The following AFF2 variants were observed in gnomAD, a reference collection of about 807,000 sequenced individuals.
AFF2 encodes the protein AF4/FMR2 family member 2.
AFF2 carries 14 observed loss-of-function variants against 76.9 expected under a neutral mutation model. That is an observed-to-expected ratio of 0.18 (90% CI 0.12 to 0.28). AFF2 has a LOEUF of 0.28. Ranked by LOEUF, AFF2 falls within the 10% of genes least tolerant of loss-of-function variation. The probability of loss-of-function intolerance (pLI) is 1.00; values close to 1 mark genes in which losing one functional copy is unlikely to be tolerated. For missense variants in AFF2, 868 were observed against 1,001.1 expected (o/e 0.87, Z 1.79); for synonymous variants, 398 against 366.7 (o/e 1.09, Z -0.98).
intron 1 of AFF2, among the ~76,000 whole-genome samples, chrX:148,581,543 CGTCT>C (rs2053405215): frequency 1.1e-5 from 1 of 93,923 alleles, no homozygotes; most frequent in African/African-American, 4.2e-5. Flanking sequence ...TATACGTATA[CGTCT>C]ACGTGTACAC....
chrX:148,585,566 G>A (rs1354965161), intron 1 of AFF2, among the ~76,000 whole-genome samples: 1 of 111,445 alleles, frequency 9.0e-6, no homozygotes, highest in South Asian at 3.8e-4. Context: ...TAGGCCGGGC[G>A]CGGTGGCTCA....
intron 3 of AFF2, among the ~76,000 whole-genome samples, chrX:148,775,126 T>C (rs1013830663): frequency 1.8e-5 from 2 of 111,959 alleles, no homozygotes; most frequent in Admixed American, 1.9e-4. Flanking sequence ...GGGGATATAT[T>C]TGTTATAAAA....
intron 1 of AFF2, among the ~76,000 whole-genome samples, chrX:148,561,551 G>A (rs2053113440): frequency 1.8e-5 from 2 of 111,772 alleles, no homozygotes; most frequent in South Asian, 7.5e-4. Context: ...ATTCTAGGGT[G>A]TGGTCCTTAT....
chrX:148,965,709 G>T (rs1465455674), intron 13 of AFF2, among the ~76,000 whole-genome samples: 1 of 112,363 alleles, frequency 8.9e-6, no homozygotes, highest in African/African-American at 3.2e-5. Context: ...GTCACTGTAG[G>T]CTGGAGCTTT....
intron 3 of AFF2, among the ~76,000 whole-genome samples, chrX:148,770,916 G>A (rs782250741): frequency 8.9e-6 from 1 of 112,031 alleles, no homozygotes; most frequent in Non-Finnish European, 1.9e-5. Context: ...CTGGGAATAT[G>A]GCTTTGAAAA....
At chrX:148,693,795 T>C (rs2054681767) in intron 3 of AFF2, among the ~76,000 whole-genome samples, 1 of 112,198 alleles carries the variant, frequency 8.9e-6, no homozygotes, top group African/African-American at 3.2e-5. Context: ...ATGGAATGCA[T>C]GTTCCTGGCC....
chrX:148,520,301 T>C (rs1327807807), intron 1 of AFF2, among the ~76,000 whole-genome samples: 1 of 112,460 alleles, frequency 8.9e-6, no homozygotes, highest in Non-Finnish European at 1.9e-5. Flanking sequence ...CTAGAAGCTT[T>C]TGTGAATTTT....
chrX:148,717,804 C>T (rs2055043781), intron 3 of AFF2, among the ~76,000 whole-genome samples: 1 of 111,143 alleles, frequency 9.0e-6, no homozygotes, highest in Non-Finnish European at 1.9e-5. Flanking sequence ...CAGAGGCAGC[C>T]TTGGTCTTCC....
intron 3 of AFF2, among the ~76,000 whole-genome samples, chrX:148,736,466 T>A (rs1218288602): frequency 1.8e-5 from 2 of 110,972 alleles, no homozygotes; most frequent in Non-Finnish European, 3.8e-5. Context: ...TGATGGGATT[T>A]TTTTTTTCTT....
At chrX:148,861,973 C>T (rs1162955914) in intron 7 of AFF2, among the ~76,000 whole-genome samples, 8 of 108,116 alleles carry the variant, frequency 7.4e-5, no homozygotes, top group South Asian at 4.1e-4. Flanking sequence ...GTTTTTTTTT[C>T]CCCCCTCAGA....
intron 3 of AFF2, among the ~76,000 whole-genome samples, chrX:148,806,280 G>C (rs782404847): frequency 8.9e-6 from 1 of 112,504 alleles, no homozygotes; most frequent in Non-Finnish European, 1.9e-5. Context: ...CTTTCTTCCA[G>C]TGTGCAGAGT....
intron 3 of AFF2, among the ~76,000 whole-genome samples, chrX:148,678,374 C>A (rs782297299): frequency 8.9e-6 from 1 of 112,362 alleles, no homozygotes; most frequent in African/African-American, 3.2e-5. Context: ...ATTGAAAGAG[C>A]AGTACTCTGA....
chrX:148,540,001 T>C (rs782383657), intron 1 of AFF2, among the ~76,000 whole-genome samples: 10 of 111,953 alleles, frequency 8.9e-5, no homozygotes, highest in Admixed American at 7.6e-4. Flanking sequence ...TTTAAGTTGC[T>C]AGATACAAGA....
At chrX:148,951,623 C>A (rs2071969658) in intron 9 of AFF2, among the ~76,000 whole-genome samples, 2 of 111,804 alleles carry the variant, frequency 1.8e-5, no homozygotes, top group South Asian at 7.6e-4. Context: ...GAATTGAGGC[C>A]AAGTTAGCCT....
chrX:148,803,721 G>T (rs1469035785), intron 3 of AFF2, among the ~76,000 whole-genome samples: 1 of 111,443 alleles, frequency 9.0e-6, no homozygotes, highest in Non-Finnish European at 1.9e-5. Flanking sequence ...TCTGCCATTA[G>T]GTACTCTCAG....
Position 148,662,778 on chromosome X carries a change from T to C in AFF2, c.1041+10T>C. 3 of 1,198,398 alleles carry C rather than the reference T, an allele frequency of 2.5e-6. No homozygotes were observed. Among genetic ancestry groups the C allele is most frequent in the South Asian group, 1.8e-5 (1 of 54,609 alleles). On this transcript the variant is annotated intron_variant, in intron 3 of 20. Transcript: ENST00000370460. ...CCTCCAAACAAGTGAAGTAAGTAAT[T>C]TTTAAAGTTTTGTTTGGTTTCACTT...
intron 9 of AFF2, among the ~76,000 whole-genome samples, chrX:148,950,656 C>G (rs2071954746): frequency 8.9e-6 from 1 of 111,871 alleles, no homozygotes; most frequent in Non-Finnish European, 1.9e-5. Context: ...GTGTTGGAGT[C>G]CCACCTGAGA....
At chrX:148,614,278 C>G (rs2053762381) in intron 1 of AFF2, among the ~76,000 whole-genome samples, 1 of 111,963 alleles carries the variant, frequency 8.9e-6, no homozygotes, top group Non-Finnish European at 1.9e-5. Context: ...TTTAGCTACA[C>G]CTTTCTGAAA....
chrX:148,816,020 A>G (rs1347299436), intron 4 of AFF2, among the ~76,000 whole-genome samples: 1 of 111,981 alleles, frequency 8.9e-6, no homozygotes, highest in Non-Finnish European at 1.9e-5. Context: ...TGTTTTCTGT[A>G]TCTTGGGTGT....
Sources: allele counts gnomAD v4.1 joint callset (sites outside exome capture counted in the v4.1 genomes callset), GRCh38; gene constraint gnomAD v4.1.1; transcripts MANE v1.5; gene names NCBI Gene and HGNC (gene_info 2026-07-23, HGNC 2026-07-21).